COL4A3: variants seen among roughly 807,000 people sequenced by gnomAD.
The protein encoded by COL4A3 is collagen type IV alpha 3 chain.
A neutral mutation model predicts 217.4 loss-of-function variants in COL4A3; 135 were observed. That is an observed-to-expected ratio of 0.62 (90% CI 0.54 to 0.72). The LOEUF (loss-of-function observed/expected upper bound fraction) is 0.72. Among genes scored for constraint, COL4A3 ranks in the 30% least tolerant of loss-of-function variants. The probability of loss-of-function intolerance (pLI) is 0.00; values close to 1 mark genes in which losing one functional copy is unlikely to be tolerated. For synonymous variants in COL4A3, 690 were observed against 736.3 expected (o/e 0.94, Z 1.02); for missense variants, 1,868 against 2,119.9 (o/e 0.88, Z 2.33).
At chr2:227,195,654 CAT>C (rs113636594) in intron 1 of COL4A3, among the ~76,000 whole-genome samples, 234 of 143,198 alleles carry the variant, frequency 1.6e-3, no homozygotes, top group African/African-American at 2.0e-3. Context: ...GTCTATGCCA[CAT>C]ATATATATAT....
intron 1 of COL4A3, among the ~76,000 whole-genome samples, chr2:227,224,163 A>C (rs900043898): frequency 6.6e-6 from 1 of 152,222 alleles, no homozygotes; most frequent in Non-Finnish European, 1.5e-5. Flanking sequence ...CCTTGGAGTA[A>C]TGACTATGAG....
rs1368502935 is a variant in COL4A3 at position 227,261,089 on chromosome 2, T to C, written c.1122T>C (p.Ser374=). The change falls in exon 20 of 52, where the codon AGT becomes AGC. Residue 374 remains serine, a synonymous_variant. Coordinates refer to ENST00000396578, the MANE Select transcript of COL4A3 (RefSeq NM_000091.5). ...AATGTTATATATTCCCAGGTCCCAGTGGTCCCCCCGGAGTTCCTGGAAGTC... is the reference window on the plus strand; with the variant it reads ...AATGTTATATATTCCCAGGTCCCAGCGGTCCCCCCGGAGTTCCTGGAAGTC... The part of the protein sequence containing the change: ...PRGARGPQGP[S]GPPGVPGSPG... 1.2e-6 allele frequency: 2 copies of C among 1,611,960 alleles called. No individual in the cohort carries two copies. Among genetic ancestry groups the C allele is most frequent in the South Asian group, 2.2e-5 (2 of 91,016 alleles).
intron 25 of COL4A3, among the ~76,000 whole-genome samples, chr2:227,272,503 G>C (rs1468214703): frequency 6.6e-6 from 1 of 152,158 alleles, no homozygotes; most frequent in Admixed American, 6.5e-5. Flanking sequence ...TTAAAAACTA[G>C]ACAGTTTATG....
At position 227,246,671 on chromosome 2, in the gene COL4A3, T is replaced by G; in HGVS notation, c.388-14T>G. On this transcript the variant is annotated splice_polypyrimidine_tract_variant and intron_variant, in intron 6 of 51. Transcript: ENST00000396578. ...AACAACTAAGAATAATAAGAAACTT[T>G]GTATGTCTTTTAGGGTGAGCAGGGG... is the stretch of plus-strand genomic sequence containing the variant. 6.2e-7 allele frequency: 1 copy of G among 1,603,678 alleles called. No individual in the cohort carries two copies. Among genetic ancestry groups the G allele is most frequent in the Non-Finnish European group, 8.5e-7 (1 of 1,170,770 alleles).
chr2:227,209,424 A>C (rs972985923), intron 1 of COL4A3, among the ~76,000 whole-genome samples: 2 of 152,178 alleles, frequency 1.3e-5, no homozygotes, highest in African/African-American at 4.8e-5. Flanking sequence ...TATCTTCCCC[A>C]ACGGATTCCT....
At position 227,313,512 on chromosome 2, in the gene COL4A3, G is replaced by A. The variant is rs1243054960; in HGVS notation, c.*1642G>A. On this transcript the variant is annotated 3_prime_UTR_variant, in exon 52 of 52. Transcript: ENST00000396578. ...AGACACAAAGAGACAAAGCTTTGAA[G>A]ATGCTTTTTGATCTACCTAGGTGGA... 6.6e-6 allele frequency: 1 copy of A among 152,620 alleles called. No individual in the cohort carries two copies. Among genetic ancestry groups the A allele is most frequent in the African/African-American group, 2.4e-5 (1 of 41,442 alleles). 9.5% of individuals were successfully genotyped at this position (152,620 alleles called of 1,614,324 possible). A position where few individuals can be genotyped will look rare whatever the true frequency, so the allele number is the denominator to read the frequency against.
chr2:227,207,096 T>C (rs2067129491), intron 1 of COL4A3, among the ~76,000 whole-genome samples: 1 of 152,066 alleles, frequency 6.6e-6, no homozygotes, highest in African/African-American at 2.4e-5. Flanking sequence ...AGCAGGTCTG[T>C]GAATGAGGGG....
chr2:227,284,310 A>C lies in COL4A3; in HGVS notation c.2846A>C (p.His949Pro), dbSNP rs754481221. 1 of 1,614,088 alleles carries C rather than the reference A, an allele frequency of 6.2e-7. No homozygotes were observed. The highest frequency in any genetic ancestry group is 8.5e-7 in the Non-Finnish European group (1 of 1,180,002). Residue 949 changes from histidine (H) to proline (P), a missense_variant, in exon 34 of 52, where the codon CAC (histidine) becomes CCC (proline). This residue lies in a region of COL4A3 where 1,503 missense variants were observed against 1,786.1 expected (regional missense o/e 0.84). Coordinates refer to ENST00000396578, the MANE Select transcript of COL4A3 (RefSeq NM_000091.5). The stretch of plus-strand genomic sequence containing the variant: ...AATCCCGGGCCTTCAGAGATATCCC[A>C]CGTAATAGGGGACAAAGGAGAACCA... The part of the protein sequence containing the change: ...KGNPGPSEIS[H>P]VIGDKGEPGL...
chr2:227,277,188 G>A (rs1271987112), intron 27 of COL4A3, among the ~76,000 whole-genome samples: 1 of 151,876 alleles, frequency 6.6e-6, no homozygotes, highest in Non-Finnish European at 1.5e-5. Flanking sequence ...GCGTGGTGGC[G>A]GGCACCTGTG....
At chr2:227,237,853 CT>C (rs2068785256) in intron 1 of COL4A3, 114 bp from the exon 2 acceptor site, 13 of 770,700 alleles carry the variant, frequency 1.7e-5, no homozygotes, top group South Asian at 1.6e-4. Context: ...CACCTGGCTC[CT>C]AACAGATAGT....
chr2:227,288,709 C>T (rs968343588), intron 34 of COL4A3, among the ~76,000 whole-genome samples: 4 of 152,132 alleles, frequency 2.6e-5, no homozygotes, highest in South Asian at 4.1e-4. Context: ...TTAAAGAGTA[C>T]ATATTAAGAT....
intron 34 of COL4A3, 25 bp from the exon 35 acceptor site, chr2:227,289,125 G>A (rs1268824309): frequency 1.3e-6 from 2 of 1,596,918 alleles, no homozygotes; most frequent in Non-Finnish European, 1.7e-6. Flanking sequence ...TAATTTTCTT[G>A]TTAATACCTG....
In COL4A3 at chr2:227,171,397, A is replaced by G. The variant is rs113399011; in HGVS notation, c.87+6584A>G. The stretch of plus-strand genomic sequence containing the variant: ...AAATGTAGCTAACACAGGAGTGGGC[A>G]CCTGTGAGAGTCCACCTAAGACATA... On this transcript the variant is annotated intron_variant, in intron 1 of 51. Coordinates refer to ENST00000396578, the MANE Select transcript of COL4A3 (RefSeq NM_000091.5). Among the ~76,000 whole-genome samples, 963 of 152,300 alleles carry G rather than the reference A, an allele frequency of 6.3e-3. 14 individuals are homozygous for G. Among genetic ancestry groups the G allele is most frequent in the African/African-American group, 0.021 (866 of 41,554 alleles).
chr2:227,184,638 C>T (rs934144679), intron 1 of COL4A3, among the ~76,000 whole-genome samples: 3 of 152,042 alleles, frequency 2.0e-5, no homozygotes, highest in African/African-American at 7.3e-5. Flanking sequence ...TTTCCTTTTC[C>T]ACCAGCAATA....
At chr2:227,169,636 A>G (rs1204118287) in intron 1 of COL4A3, among the ~76,000 whole-genome samples, 1 of 152,174 alleles carries the variant, frequency 6.6e-6, no homozygotes, top group Non-Finnish European at 1.5e-5. Flanking sequence ...TTTCTATGAT[A>G]GCCAGTGATG....
chr2:227,291,229 A>G (rs1247346739), intron 37 of COL4A3, among the ~76,000 whole-genome samples: 1 of 152,168 alleles, frequency 6.6e-6, no homozygotes, highest in Admixed American at 6.5e-5. Flanking sequence ...TGCTGTACTC[A>G]TCTCAGACTT....
At chr2:227,263,629 A>G in intron 20 of COL4A3, 151 bp from the exon 21 acceptor site, 1 of 774,964 alleles carries the variant, frequency 1.3e-6, no homozygotes, top group Middle Eastern at 3.8e-4. Flanking sequence ...TGAAAAAAGC[A>G]AGGATATTCA....
chr2:227,242,432 G>A (rs1464667060), intron 3 of COL4A3, among the ~76,000 whole-genome samples: 2 of 152,290 alleles, frequency 1.3e-5, no homozygotes, highest in African/African-American at 2.4e-5. Context: ...TGAACACCAT[G>A]CTTCAGGGAT....
At chr2:227,281,913 T>C (rs557893552) in intron 31 of COL4A3, 2 of 152,702 alleles carry the variant, frequency 1.3e-5, no homozygotes, top group South Asian at 2.1e-4. Context: ...CACACACACA[T>C]GCGCACGCAT....
Sources: gnomAD v4.1 joint callset for allele counts (sites outside exome capture counted in the v4.1 genomes callset) on GRCh38, gnomAD v4.1.1 for gene constraint, gnomAD v4.1.1 regional missense constraint, MANE v1.5 for transcripts, NCBI Gene and HGNC (gene_info 2026-07-23, HGNC 2026-07-21) for gene names.